Variants in DNAH1 observed in about 807,000 individuals in gnomAD.
DNAH1 encodes the protein dynein axonemal heavy chain 1.
DNAH1 carries 327 observed loss-of-function variants against 484.3 expected under a neutral mutation model. The observed-to-expected ratio is 0.68, with a 90% CI of 0.62 to 0.74. DNAH1 has a LOEUF of 0.74. Among genes scored for constraint, DNAH1 ranks in the 30% least tolerant of loss-of-function variants. The pLI is 0.00. For missense variants in DNAH1, 5,052 were observed against 5,546.8 expected (o/e 0.91, Z 2.83); for synonymous variants, 2,192 against 2,191.9 (o/e 1.00, Z 0.00).
In DNAH1 at chr3:52,368,920, T is replaced by C; in HGVS notation, c.5943+2T>C. ...GGGGAGATCATCAAGCTCACAGAGG[T>C]GCACCTACCTGTCCACCTGCCCACT... On this transcript the variant is annotated splice_donor_variant, in intron 37 of 77. Transcript: ENST00000420323. LOFTEE classifies it high-confidence loss of function. This position sits in a 1 kb window ranked among gnomAD's most constrained non-coding sequence, Gnocchi z 4.4. The C allele has an allele frequency of 1.2e-6, 2 of 1,610,028 alleles. No homozygotes were observed. The highest frequency in any genetic ancestry group is 8.5e-7 in the Non-Finnish European group (1 of 1,176,814).
At position 52,388,885 on chromosome 3, in the gene DNAH1, C is replaced by T; in HGVS notation, c.9443C>T (p.Ser3148Phe). 6.2e-7 allele frequency: 1 copy of T among 1,613,326 alleles called. No homozygotes were observed. Among genetic ancestry groups the T allele is most frequent in the Non-Finnish European group, 8.5e-7 (1 of 1,179,516 alleles). ...CTGCAGTACATGCTCAACAACATCT[C>T]CGGCGATGTCCTGGTGGCCGCTGGC... is the stretch of plus-strand genomic sequence containing the variant. ...ENLQYMLNNISGDVLVAAGFV... is the reference protein window; with the variant it reads ...ENLQYMLNNIFGDVLVAAGFV... Residue 3148 changes from serine (S) to phenylalanine (F), a missense_variant, in exon 59 of 78, where the codon TCC becomes TTC. Physicochemically the swap from Ser to Phe is radical, Grantham distance 155. This residue lies in a region of DNAH1 where 2,929 missense variants were observed against 3,409.4 expected (regional missense o/e 0.86). Coordinates refer to ENST00000420323, the MANE Select transcript of DNAH1 (RefSeq NM_015512.5).
At chr3:52,393,986 G>A (rs7641255) in intron 66 of DNAH1, among the ~76,000 whole-genome samples, 8,639 of 152,334 alleles carry the variant, frequency 0.057, 782 homozygotes, top group African/African-American at 0.19. Flanking sequence ...AATGTTGTGA[G>A]CACAGGCCTT....
intron 3 of DNAH1, among the ~76,000 whole-genome samples, chr3:52,324,207 C>T (rs1007441761): frequency 6.6e-6 from 1 of 152,132 alleles, no homozygotes; most frequent in Non-Finnish European, 1.5e-5. Context: ...GAATGTGGGC[C>T]CTGAAGAGGC....
At chr3:52,313,912 A>G (rs1280189672), upstream of DNAH1, among the ~76,000 whole-genome samples, 1 of 152,136 alleles carries the variant, frequency 6.6e-6, no homozygotes, top group Non-Finnish European at 1.5e-5. Flanking sequence ...CTAACAAAGG[A>G]AGGGACTTGC....
chr3:52,394,610 T>TGAA lies in DNAH1; in HGVS notation c.10774_10776dup (p.Lys3592dup). The TGAA allele has an allele frequency of 3.1e-6, 5 of 1,602,330 alleles. No individual in the cohort carries two copies. Among genetic ancestry groups the TGAA allele is most frequent in the Non-Finnish European group, 4.3e-6 (5 of 1,172,366 alleles). On this transcript the variant is annotated inframe_insertion, in exon 67 of 78. Transcript: ENST00000420323. ...TTTTCCTCCTTCTCTTCCGACTTCG[T>TGAA]GAAGCACCTCTCAGAATTCCGGGTC...
chr3:52,397,953 A>T, intron 74 of DNAH1, 76 bp downstream of exon 74: 2 of 1,579,378 alleles, frequency 1.3e-6, no homozygotes, highest in South Asian at 2.4e-5. Context: ...CCCTGTGGGA[A>T]GGACCCCTAT....
intron 44 of DNAH1, chr3:52,373,852 T>C: frequency 7.1e-7 from 1 of 1,411,574 alleles, no homozygotes; most frequent in Non-Finnish European, 1.0e-6. Flanking sequence ...GTAGTCCATA[T>C]GTTTGCAGTT....
rs1402356380 is a variant in DNAH1 at position 52,362,082 on chromosome 3, C to T, written c.4981-306C>T. Among the ~76,000 whole-genome samples the T allele has an allele frequency of 6.6e-6, 1 of 152,246 alleles. No individual in the cohort carries two copies. The highest frequency in any genetic ancestry group is 1.5e-5 in the Non-Finnish European group (1 of 68,048). ...GAGAGGCTAGCAGTTATCCCCTCCC[C>T]CACTTCCCCTAGTCAGGCTGAGCTT... On this transcript the variant is annotated intron_variant, in intron 30 of 77. Transcript: ENST00000420323. The surrounding 1 kb of genome is among the most constrained non-coding windows in gnomAD (Gnocchi z 5.1).
intron 44 of DNAH1, chr3:52,374,715 A>ATACATGGC: frequency 7.4e-7 from 1 of 1,356,422 alleles, no homozygotes; most frequent in Admixed American, 1.7e-5. Context: ...GAACAAGATA[A>ATACATGGC]TACATGGCTT....
In DNAH1 at chr3:52,353,621, C is replaced by T. The variant is rs773723895; in HGVS notation, c.3468C>T (p.Tyr1156=). ...SKVAEVAGKE[Y]AIEQALDKME... Reference sequence around the variant, plus strand: ...TGGCTGAGGTGGCTGGCAAGGAGTACGCCATCGAGCAGGTGGGTAGCCACC... The same window carrying T: ...TGGCTGAGGTGGCTGGCAAGGAGTATGCCATCGAGCAGGTGGGTAGCCACC... The change falls in exon 20 of 78, where the codon TAC becomes TAT. Residue 1156 remains tyrosine, a synonymous_variant. Coordinates refer to ENST00000420323, the MANE Select transcript of DNAH1 (RefSeq NM_015512.5). The surrounding 1 kb of genome is among the most constrained non-coding windows in gnomAD (Gnocchi z 5.0). The T allele has an allele frequency of 1.0e-5, 16 of 1,590,790 alleles. No individual in the cohort carries two copies. Among genetic ancestry groups the T allele is most frequent in the African/African-American group, 2.7e-5 (2 of 74,436 alleles).
rs186310365 is a variant in DNAH1 at position 52,368,019 on chromosome 3, G to T, written c.5766-722G>T. Among the ~76,000 whole-genome samples, 200 of 152,338 alleles carry T rather than the reference G, an allele frequency of 1.3e-3. 4 individuals carry two copies. Among genetic ancestry groups the T allele is most frequent in the Admixed American group, 0.013 (194 of 15,306 alleles). ...GCCAGTGGGAATCTATAGCCAAGGG[G>T]CAGGGTGAGCATCAGTGGGTGGAAA... On this transcript the variant is annotated intron_variant, in intron 36 of 77. Coordinates refer to ENST00000420323, the MANE Select transcript of DNAH1 (RefSeq NM_015512.5). The surrounding 1 kb of genome is among the most constrained non-coding windows in gnomAD (Gnocchi z 4.4).
chr3:52,379,758 CCA>C lies in DNAH1; in HGVS notation c.7378-141_7378-140del. ...CAGCAGTTGCACTTGCCAGCAGCCC[CCA>C]CACACTGTCCCTGGGCCATGGTGGG... On this transcript the variant is annotated intron_variant, in intron 47 of 77. Transcript: ENST00000420323. The surrounding 1 kb of genome is among the most constrained non-coding windows in gnomAD (Gnocchi z 4.4). 1 of 710,204 alleles carries C rather than the reference CCA, an allele frequency of 1.4e-6. No homozygotes were observed. 44.0% of individuals were successfully genotyped at this position (710,204 alleles called of 1,614,324 possible). A position where few individuals can be genotyped will look rare whatever the true frequency, so the allele number is the denominator to read the frequency against.
chr3:52,355,137 G>A lies in DNAH1; in HGVS notation c.3693+82G>A. 2.1e-6 allele frequency: 3 copies of A among 1,423,354 alleles called. 1 individual carries two copies. In the South Asian group the frequency reaches 3.5e-5, roughly 17 times the overall value. The allele number at this position is 1,423,354 out of a possible 1,614,324, so 88.2% of individuals were successfully genotyped here. On this transcript the variant is annotated intron_variant, in intron 21 of 77. Coordinates refer to ENST00000420323, the MANE Select transcript of DNAH1 (RefSeq NM_015512.5). The surrounding 1 kb of genome is among the most constrained non-coding windows in gnomAD (Gnocchi z 4.5). Reference sequence around the variant, plus strand: ...CACAGGTGTCACTGATGGTCTCCGGGTGGGGTTCAAAGCATCGCAGTGCCT... The same window carrying A: ...CACAGGTGTCACTGATGGTCTCCGGATGGGGTTCAAAGCATCGCAGTGCCT...
intron 66 of DNAH1, 118 bp downstream of exon 66, chr3:52,393,603 A>G: frequency 7.0e-7 from 1 of 1,426,148 alleles, no homozygotes; most frequent in Non-Finnish European, 9.5e-7. Flanking sequence ...GCAAAGTGGC[A>G]GAGGAAACAA....
intron 66 of DNAH1, 151 bp from the exon 67 acceptor site, chr3:52,394,314 A>G: frequency 1.4e-6 from 1 of 715,522 alleles, no homozygotes; most frequent in Non-Finnish European, 2.2e-6. Context: ...CAGGGTGGGA[A>G]CACTAACCCA....
Position 52,381,706 on chromosome 3 carries a change from G to T in DNAH1, c.7675G>T (p.Val2559Phe). 6.2e-7 allele frequency: 1 copy of T among 1,607,154 alleles called. No individual in the cohort carries two copies. Among genetic ancestry groups the T allele is most frequent in the Non-Finnish European group, 8.5e-7 (1 of 1,177,312 alleles). The part of the protein sequence containing the change: ...NQINTAKLKL[V>F]LFMDAMSHIC... ...GATCAACACGGCCAAGCTGAAGCTGGTCCTCTTCATGGACGCCATGAGCCA... is the reference window on the plus strand; with the variant it reads ...GATCAACACGGCCAAGCTGAAGCTGTTCCTCTTCATGGACGCCATGAGCCA... Residue 2559 changes from valine to phenylalanine, a missense_variant, in exon 49 of 78, where the codon GTC (valine) becomes TTC (phenylalanine). Val to Phe is a conservative substitution (Grantham distance 50, BLOSUM62 -1). Coordinates refer to ENST00000420323, the MANE Select transcript of DNAH1 (RefSeq NM_015512.5). This position sits in a 1 kb window ranked among gnomAD's most constrained non-coding sequence, Gnocchi z 4.1.
chr3:52,329,034 T>C (rs1701449900), intron 6 of DNAH1, among the ~76,000 whole-genome samples: 1 of 152,272 alleles, frequency 6.6e-6, no homozygotes, highest in Admixed American at 6.5e-5. Flanking sequence ...TCAATTTCTC[T>C]GAACTAGACA....
chr3:52,343,306 T>C (rs1197326351), intron 8 of DNAH1, among the ~76,000 whole-genome samples: 1 of 151,784 alleles, frequency 6.6e-6, no homozygotes, highest in African/African-American at 2.4e-5. Context: ...TGGGAGGGCG[T>C]GGGAGGGAAG....
chr3:52,320,696 G>A (rs1701113449), intron 1 of DNAH1, among the ~76,000 whole-genome samples: 1 of 152,120 alleles, frequency 6.6e-6, no homozygotes, highest in African/African-American at 2.4e-5. Flanking sequence ...GTCTCAGTGT[G>A]CAGAAGGGAT....
Sources: allele counts gnomAD v4.1 joint callset (sites outside exome capture counted in the v4.1 genomes callset), GRCh38; gene constraint gnomAD v4.1.1; regional missense constraint gnomAD v4.1.1; non-coding constraint Gnocchi (gnomAD v3.1); transcripts MANE v1.5; gene names NCBI Gene and HGNC (gene_info 2026-07-23, HGNC 2026-07-21).